Variants in SHANK2 observed in about 807,000 individuals in gnomAD.
SHANK2 encodes the protein SH3 and multiple ankyrin repeat domains protein 2.
SHANK2 carries 43 observed loss-of-function variants against 133.7 expected under a neutral mutation model. The observed-to-expected ratio is 0.32, with a 90% CI of 0.25 to 0.41. The LOEUF (loss-of-function observed/expected upper bound fraction) is 0.41, where lower values mean the gene tolerates loss of function less well. Among genes scored for constraint, SHANK2 ranks in the 10% least tolerant of loss-of-function variants. SHANK2 has a pLI of 1.00. For synonymous variants in SHANK2, 1,017 were observed against 952.8 expected, an observed-to-expected ratio of 1.07 and a Z score of -1.24; for missense variants, 1,994 against 2,235.8, an observed-to-expected ratio of 0.89 and a Z score of 2.18.
intron 17 of SHANK2, among the ~76,000 whole-genome samples, chr11:70,564,025 C>T (rs12786771): frequency 0.41 from 61,985 of 151,940 alleles, 13,996 homozygotes; most frequent in Non-Finnish European, 0.5. Context: ...CTTTCTCTTT[C>T]GTCTTCATGT....
At chr11:70,937,168 C>T (rs1033489239) in intron 10 of SHANK2, among the ~76,000 whole-genome samples, 2 of 152,110 alleles carry the variant, frequency 1.3e-5, no homozygotes, top group Admixed American at 6.5e-5. Context: ...TCCTCAGGAT[C>T]GATAGAGCCT....
intron 2 of SHANK2, among the ~76,000 whole-genome samples, chr11:71,214,152 C>A (rs1257187323): frequency 6.6e-6 from 1 of 152,172 alleles, no homozygotes; most frequent in Non-Finnish European, 1.5e-5. Flanking sequence ...CTCCTGCCTC[C>A]TGACCAAACC....
At chr11:70,916,707 A>C (rs887805339) in intron 10 of SHANK2, among the ~76,000 whole-genome samples, 3 of 152,152 alleles carry the variant, frequency 2.0e-5, no homozygotes, top group Non-Finnish European at 4.4e-5. Context: ...TGCTGTCTGA[A>C]GAGAGGCTTG....
At chr11:70,749,127 G>A (rs1555036923) in intron 14 of SHANK2, among the ~76,000 whole-genome samples, 1 of 152,216 alleles carries the variant, frequency 6.6e-6, no homozygotes, top group African/African-American at 2.4e-5. Flanking sequence ...ATGTGGCACA[G>A]GCGACTAAAA....
chr11:70,797,478 C>T (rs994130585), intron 14 of SHANK2, among the ~76,000 whole-genome samples: 2 of 152,208 alleles, frequency 1.3e-5, no homozygotes, highest in Non-Finnish European at 2.9e-5. Context: ...CCTACTGAGC[C>T]TCCCTGCTAG....
At chr11:70,873,932 G>C (rs369726957) in intron 11 of SHANK2, among the ~76,000 whole-genome samples, 33 of 152,264 alleles carry the variant, frequency 2.2e-4, no homozygotes, top group African/African-American at 7.7e-4. Flanking sequence ...ACAGGAACAC[G>C]TGTCATCAGG....
At chr11:70,724,351 C>T (rs370415680) in intron 14 of SHANK2, among the ~76,000 whole-genome samples, 1 of 152,148 alleles carries the variant, frequency 6.6e-6, no homozygotes, top group African/African-American at 2.4e-5. Flanking sequence ...TTCATTCTTA[C>T]ACTTTGCTCA....
chr11:70,546,090 T>G (rs1260044557), intron 17 of SHANK2, among the ~76,000 whole-genome samples: 2 of 109,072 alleles, frequency 1.8e-5, no homozygotes, highest in Non-Finnish European at 3.8e-5. Context: ...ATAAATTTAT[T>G]TATTTAATTT....
intron 10 of SHANK2, among the ~76,000 whole-genome samples, chr11:70,900,817 T>C (rs1416625703): frequency 2.6e-5 from 4 of 152,098 alleles, no homozygotes; most frequent in African/African-American, 4.8e-5. Context: ...GTAAAAGTCT[T>C]CTGGGAGAAG....
intron 11 of SHANK2, among the ~76,000 whole-genome samples, chr11:70,822,467 G>A (rs1264234381): frequency 6.6e-6 from 1 of 152,112 alleles, no homozygotes; most frequent in Non-Finnish European, 1.5e-5. Flanking sequence ...AGGTCACAGG[G>A]ACAAAGATGG....
intron 12 of SHANK2, among the ~76,000 whole-genome samples, chr11:70,819,249 C>A (rs919832727): frequency 5.3e-5 from 8 of 152,260 alleles, no homozygotes; most frequent in Admixed American, 1.3e-4. Flanking sequence ...TGTGCCGAGT[C>A]CTGCCCTTGC....
intron 17 of SHANK2, among the ~76,000 whole-genome samples, chr11:70,509,375 G>C (rs1185890791): frequency 2.0e-5 from 3 of 152,238 alleles, no homozygotes; most frequent in Admixed American, 1.3e-4. Context: ...TCCCCCAGGG[G>C]CCCAGTGTGG....
intron 14 of SHANK2, among the ~76,000 whole-genome samples, chr11:70,751,770 T>C (rs1946753633): frequency 6.6e-6 from 1 of 152,158 alleles, no homozygotes; most frequent in African/African-American, 2.4e-5. Context: ...AAGGTTTCCA[T>C]GTTCTACTTG....
intron 17 of SHANK2, among the ~76,000 whole-genome samples, chr11:70,642,644 C>G (rs533790972): frequency 6.6e-6 from 1 of 152,284 alleles, no homozygotes; most frequent in East Asian, 1.9e-4. Context: ...TCCCCTGACA[C>G]CTCCCGTCAT....
chr11:70,575,438 G>A lies in SHANK2; in HGVS notation c.2062-72507C>T, dbSNP rs185583212. On this transcript the variant is annotated intron_variant, in intron 17 of 25. Coordinates refer to ENST00000601538, the MANE Select transcript of SHANK2 (RefSeq NM_012309.5). The stretch of plus-strand genomic sequence containing the variant: ...GGAGGCTGAGTCAGGAGAATTGCTT[G>A]AACCCGGGAGGCAGAGGTTGCAGTG... 6.5e-4 allele frequency among the ~76,000 whole-genome samples: 99 copies of A among 151,628 alleles called. 1 individual carries two copies. The highest frequency in any genetic ancestry group is 8.5e-4 in the Non-Finnish European group (58 of 67,960).
At chr11:70,812,761 C>G (rs1457244105) in intron 12 of SHANK2, among the ~76,000 whole-genome samples, 3 of 152,240 alleles carry the variant, frequency 2.0e-5, no homozygotes, top group Non-Finnish European at 4.4e-5. Flanking sequence ...CCTGCCTGCA[C>G]AGTGAGGACT....
intron 2 of SHANK2, among the ~76,000 whole-genome samples, chr11:71,194,153 G>T (rs1591007459): frequency 2.0e-5 from 3 of 152,130 alleles, no homozygotes; most frequent in Admixed American, 2.0e-4. Context: ...GGATGGGGTG[G>T]ACAGCAGGTA....
intron 11 of SHANK2, among the ~76,000 whole-genome samples, chr11:70,836,479 T>C (rs2921339): frequency 0.62 from 94,696 of 152,068 alleles, 29,992 homozygotes; most frequent in South Asian, 0.77. Context: ...AAGGACTTCC[T>C]GTGGGTGGCC....
At chr11:70,494,649 C>G (rs1403299313) in intron 21 of SHANK2, among the ~76,000 whole-genome samples, 2 of 152,332 alleles carry the variant, frequency 1.3e-5, no homozygotes, top group East Asian at 3.9e-4. Flanking sequence ...GAATGTGCAG[C>G]AGAGGCCATA....
Sources: allele counts gnomAD v4.1 joint callset (sites outside exome capture counted in the v4.1 genomes callset), GRCh38; gene constraint gnomAD v4.1.1; transcripts MANE v1.5; gene names NCBI Gene and HGNC (gene_info 2026-07-23, HGNC 2026-07-21).